Variants in CRLF1 observed in about 807,000 individuals in gnomAD.
CRLF1 encodes the protein cytokine receptor-like factor 1.
In CRLF1, 36 loss-of-function variants were observed where a neutral mutation model predicts 48.9. That is an observed-to-expected ratio of 0.74 (90% CI 0.56 to 0.97). CRLF1 has a LOEUF of 0.97. Among genes scored for constraint, CRLF1 ranks in the 50% least tolerant of loss-of-function variants. CRLF1 has a pLI of 0.00. For missense variants in CRLF1, 534 were observed against 575.1 expected (o/e 0.93, Z 0.73); for synonymous variants, 256 against 253.4 (o/e 1.01, Z -0.10).
Position 18,594,425 on chromosome 19 carries a change from C to G in CRLF1, c.1034G>C (p.Gly345Ala), listed in dbSNP as rs767121196. 3 of 1,491,042 alleles carry G rather than the reference C, an allele frequency of 2.0e-6. No homozygotes were observed. In the South Asian group the frequency reaches 3.9e-5, roughly 20 times the overall value. The allele number at this position is 1,491,042 out of a possible 1,614,324, so 92.4% of individuals were successfully genotyped here. A position where few individuals can be genotyped will look rare whatever the true frequency, so the allele number is the denominator to read the frequency against. The change falls in exon 7 of 9, where the codon GGC becomes GCC. Residue 345 changes from glycine (G) to alanine (A), a missense_variant. By Grantham distance (60) the Gly-to-Ala change is moderately conservative. Transcript: ENST00000392386. ...CGGTTCGCACGCCCCGCCGCCCGGGCCCGGGCGCTCTGGTGGTGGGCGGAG... is the reference window on the plus strand; with the variant it reads ...CGGTTCGCACGCCCCGCCGCCCGGGGCCGGGCGCTCTGGTGGTGGGCGGAG... ...AASTPRSERPGPGGGACEPRG... is the reference protein window; with the variant it reads ...AASTPRSERPAPGGGACEPRG...
In CRLF1 at chr19:18,598,595, A is replaced by T; in HGVS notation, c.534T>A (p.Tyr178Ter). ...ACTCCTCACATGTGTTGTCCTGGCCATACCACCTGCGGGGATGGGAGGGCG... is the reference window on the plus strand; with the variant it reads ...ACTCCTCACATGTGTTGTCCTGGCCTTACCACCTGCGGGGATGGGAGGGCG... ...NYSLKYKLRW[Y>*]GQDNTCEEYH... The change falls in exon 4 of 9, where the codon TAT (tyrosine) becomes TAA (stop). Residue 178 changes from tyrosine to a stop codon, truncating the protein, a stop_gained. Coordinates refer to ENST00000392386, the MANE Select transcript of CRLF1 (RefSeq NM_004750.5). LOFTEE classifies it high-confidence loss of function. 6.2e-7 allele frequency: 1 copy of T among 1,614,002 alleles called. No homozygotes were observed. The highest frequency in any genetic ancestry group is 8.5e-7 in the Non-Finnish European group (1 of 1,179,960).
chr19:18,606,405 G>A lies in CRLF1; in HGVS notation c.115+137C>T. 6.5e-6 allele frequency: 4 copies of A among 616,040 alleles called. No homozygotes were observed. Among genetic ancestry groups the A allele is most frequent in the Non-Finnish European group, 8.2e-6 (4 of 490,690 alleles). The allele number at this position is 616,040 out of a possible 1,614,324, so 38.2% of individuals were successfully genotyped here. A position where few individuals can be genotyped will look rare whatever the true frequency, so the allele number is the denominator to read the frequency against. ...TGTGCCCCGCAGGTGAGGGCGCCCC[G>A]AGGGCTGCGCCGGGGGCGCCTTCCT... On this transcript the variant is annotated intron_variant, in intron 1 of 8. Coordinates refer to ENST00000392386, the MANE Select transcript of CRLF1 (RefSeq NM_004750.5). This position sits in a 1 kb window ranked among gnomAD's most constrained non-coding sequence, Gnocchi z 4.8.
At position 18,596,773 on chromosome 19, in the gene CRLF1, G is replaced by C; in HGVS notation, c.873C>G (p.Ser291Arg). ...SVDWKVVDDV[S>R]NQTSCRLAGL... ...CGGCCAGGCGGCAGGAGGTCTGGTT[G>C]CTCACATCGTCCACCACCTGGACAG... Residue 291 changes from serine to arginine, a missense_variant, in exon 6 of 9, where the codon AGC becomes AGG. Ser to Arg is a moderately radical substitution (Grantham distance 110). This residue lies in a region of CRLF1 where 528 missense variants were observed against 555.7 expected (regional missense o/e 0.95). Transcript: ENST00000392386. 6.2e-7 allele frequency: 1 copy of C among 1,614,024 alleles called. No individual in the cohort carries two copies. The highest frequency in any genetic ancestry group is 1.1e-5 in the South Asian group (1 of 91,072).
intron 1 of CRLF1, among the ~76,000 whole-genome samples, chr19:18,603,041 A>G (rs1976240001): frequency 6.6e-6 from 1 of 152,194 alleles, no homozygotes; most frequent in Non-Finnish European, 1.5e-5. Context: ...GCCTCTGGAA[A>G]GGGGCTTCTC....
chr19:18,594,032 T>TTGCGGC, intron 8 of CRLF1, 33 bp downstream of exon 8: 1 of 695,812 alleles, frequency 1.4e-6, no homozygotes, highest in Non-Finnish European at 2.2e-6. Context: ...CTCCCCTTGC[T>TTGCGGC]CCCTCCCGCC....
chr19:18,594,427 C>G lies in CRLF1; in HGVS notation c.1032G>C (p.Pro344=), dbSNP rs1433553983. 2.3e-5 allele frequency: 34 copies of G among 1,488,738 alleles called. No individual in the cohort carries two copies. The highest frequency in any genetic ancestry group is 2.9e-5 in the Non-Finnish European group (32 of 1,118,130). 92.2% of individuals were successfully genotyped at this position (1,488,738 alleles called of 1,614,324 possible). The change falls in exon 7 of 9, where the codon CCG becomes CCC. Residue 344 remains proline, a synonymous_variant. Transcript: ENST00000392386. The stretch of plus-strand genomic sequence containing the variant: ...GTTCGCACGCCCCGCCGCCCGGGCC[C>G]GGGCGCTCTGGTGGTGGGCGGAGCG... ...TAASTPRSER[P]GPGGGACEPR...
At chr19:18,597,734 C>A (rs1299852392) in intron 4 of CRLF1, among the ~76,000 whole-genome samples, 3 of 152,090 alleles carry the variant, frequency 2.0e-5, no homozygotes, top group African/African-American at 4.8e-5. Flanking sequence ...GCCCGGCCCT[C>A]CCTTCCACTC....
intron 8 of CRLF1, 33 bp downstream of exon 8, chr19:18,594,032 T>TGCCG: frequency 1.4e-6 from 1 of 695,814 alleles, no homozygotes; most frequent in Non-Finnish European, 2.2e-6. Context: ...CTCCCCTTGC[T>TGCCG]CCCTCCCGCC....
chr19:18,602,548 G>A (rs1405985483), intron 1 of CRLF1, among the ~76,000 whole-genome samples: 1 of 152,016 alleles, frequency 6.6e-6, no homozygotes, highest in Non-Finnish European at 1.5e-5. Context: ...AGCCCGGGAA[G>A]TTGAGGCTGC....
chr19:18,601,275 C>G (rs1033141469), intron 1 of CRLF1, among the ~76,000 whole-genome samples: 1 of 151,414 alleles, frequency 6.6e-6, no homozygotes, highest in Non-Finnish European at 1.5e-5. Flanking sequence ...ATTAAGAGCA[C>G]CATGTTTTTT....
At position 18,594,275 on chromosome 19, in the gene CRLF1, A is replaced by G; in HGVS notation, c.1184T>C (p.Met395Thr). ...FRLYDQWRAW[M>T]QKSHKTRNQD... is the part of the protein sequence containing the mutation. ...GTTGCGGGTCTTGTGCGACTTCTGCATCCAGGCTCGCCACTGGTCGTAGAG... is the reference window on the plus strand; with the variant it reads ...GTTGCGGGTCTTGTGCGACTTCTGCGTCCAGGCTCGCCACTGGTCGTAGAG... The change falls in exon 7 of 9, where the codon ATG (methionine) becomes ACG (threonine). Residue 395 changes from methionine (M) to threonine (T), a missense_variant. Transcript: ENST00000392386. 6.2e-7 allele frequency: 1 copy of G among 1,610,898 alleles called. No individual in the cohort carries two copies. Among genetic ancestry groups the G allele is most frequent in the Non-Finnish European group, 8.5e-7 (1 of 1,179,596 alleles).
At position 18,598,463 on chromosome 19, in the gene CRLF1, G is replaced by T; in HGVS notation, c.666C>A (p.Ser222=). 1 of 1,614,056 alleles carries T rather than the reference G, an allele frequency of 6.2e-7. No homozygotes were observed. Among genetic ancestry groups the T allele is most frequent in the Non-Finnish European group, 8.5e-7 (1 of 1,179,972 alleles). ...EATNRLGSAR[S]DVLTLDILDV... ...CCAGGATATCCAGCGTGAGTACATCGGAGCGGGCAGAGCCCAGGCGGTTGG... is the reference window on the plus strand; with the variant it reads ...CCAGGATATCCAGCGTGAGTACATCTGAGCGGGCAGAGCCCAGGCGGTTGG... The change falls in exon 4 of 9, where the codon TCC becomes TCA. Residue 222 remains serine, a synonymous_variant. Coordinates refer to ENST00000392386, the MANE Select transcript of CRLF1 (RefSeq NM_004750.5).
intron 6 of CRLF1, among the ~76,000 whole-genome samples, chr19:18,595,285 C>G (rs548244449): frequency 1.3e-5 from 2 of 152,338 alleles, no homozygotes; most frequent in Admixed American, 6.5e-5. Flanking sequence ...TCGCAGGTGC[C>G]GGGCACGAGC....
At chr19:18,599,423 T>C in intron 2 of CRLF1, 142 bp downstream of exon 2, 1 of 1,253,098 alleles carries the variant, frequency 8.0e-7, no homozygotes, top group Admixed American at 2.1e-5. Flanking sequence ...CAGGTTCTCA[T>C]TCCCACCTGA....
chr19:18,594,751 G>T (rs1304517608), intron 6 of CRLF1, among the ~76,000 whole-genome samples: 1 of 151,874 alleles, frequency 6.6e-6, no homozygotes, highest in Non-Finnish European at 1.5e-5. Context: ...GGCCAGAGCC[G>T]GGGGGATGAG....
chr19:18,594,032 T>TGGGCGG, intron 8 of CRLF1, 33 bp downstream of exon 8: 2 of 695,814 alleles, frequency 2.9e-6, no homozygotes, highest in Non-Finnish European at 4.4e-6. Context: ...CTCCCCTTGC[T>TGGGCGG]CCCTCCCGCC....
In CRLF1 at chr19:18,606,132, C is replaced by A. The variant is rs1976291990; in HGVS notation, c.115+410G>T. Among the ~76,000 whole-genome samples, 1 of 151,380 alleles carries A rather than the reference C, an allele frequency of 6.6e-6. No individual in the cohort carries two copies. The highest frequency in any genetic ancestry group is 1.5e-5 in the Non-Finnish European group (1 of 67,740). On this transcript the variant is annotated intron_variant, in intron 1 of 8. Transcript: ENST00000392386. This position sits in a 1 kb window ranked among gnomAD's most constrained non-coding sequence, Gnocchi z 4.8. ...GCTCATCCCTCCGCCTGGGGGGGCC[C>A]GCTGGGGGCCCGCACCCAGCGCGCC...
chr19:18,595,217 C>A (rs1976115946), intron 6 of CRLF1, among the ~76,000 whole-genome samples: 1 of 152,242 alleles, frequency 6.6e-6, no homozygotes, highest in African/African-American at 2.4e-5. Context: ...TGCTGGCCTT[C>A]CCCGGCCTCC....
chr19:18,598,012 A>T (rs1464241783), intron 4 of CRLF1, among the ~76,000 whole-genome samples: 1 of 152,096 alleles, frequency 6.6e-6, no homozygotes, highest in East Asian at 1.9e-4. Flanking sequence ...TGGGGCTGAG[A>T]AACACCCTAA....
Sources: gnomAD v4.1 joint callset for allele counts (sites outside exome capture counted in the v4.1 genomes callset) on GRCh38, gnomAD v4.1.1 for gene constraint, gnomAD v4.1.1 regional missense constraint, Gnocchi (gnomAD v3.1) non-coding constraint, MANE v1.5 for transcripts, NCBI Gene and HGNC (gene_info 2026-07-23, HGNC 2026-07-21) for gene names.